Variants in PRKD1 observed in about 807,000 individuals in gnomAD.
PRKD1 encodes protein kinase D1.
PRKD1 carries 63 observed loss-of-function variants against 95.9 expected under a neutral mutation model. That is an observed-to-expected ratio of 0.66 (90% CI 0.54 to 0.81). The LOEUF (loss-of-function observed/expected upper bound fraction) is 0.81, where lower values mean the gene tolerates loss of function less well. Ranked by LOEUF, PRKD1 falls within the 30% of genes least tolerant of loss-of-function variation. The pLI is 0.00. For synonymous variants in PRKD1, 425 were observed against 423.1 expected, an observed-to-expected ratio of 1.00 and a Z score of -0.05; for missense variants, 1,048 against 1,165.3, an observed-to-expected ratio of 0.90 and a Z score of 1.47.
intron 1 of PRKD1, among the ~76,000 whole-genome samples, chr14:29,863,239 C>T (rs1892770095): frequency 6.6e-6 from 1 of 152,078 alleles, no homozygotes; most frequent in African/African-American, 2.4e-5. Context: ...CTTTAGTATC[C>T]TTTCAATATC....
chr14:29,861,770 C>T (rs1014268808), intron 1 of PRKD1, among the ~76,000 whole-genome samples: 3 of 151,860 alleles, frequency 2.0e-5, no homozygotes, highest in African/African-American at 7.3e-5. Flanking sequence ...CTCCTGTCTC[C>T]GCCTCCAAAG....
At chr14:29,886,001 C>G (rs1022601823) in intron 1 of PRKD1, among the ~76,000 whole-genome samples, 1 of 151,674 alleles carries the variant, frequency 6.6e-6, no homozygotes, top group Non-Finnish European at 1.5e-5. Flanking sequence ...ACACTTTTTT[C>G]TGTAACAATG....
At chr14:29,829,440 A>G (rs1320985534) in intron 1 of PRKD1, among the ~76,000 whole-genome samples, 1 of 152,188 alleles carries the variant, frequency 6.6e-6, no homozygotes, top group Non-Finnish European at 1.5e-5. Context: ...ACTGTCTCTT[A>G]TTTAGGGAAG....
Position 29,923,248 on chromosome 14 carries a change from A to T in PRKD1, c.264+4001T>A, listed in dbSNP as rs181535481. ...CTGTCAAAAAAAAAAAAAAAAAAACACACAGTAAAATGACAAATTCTATAC... is the reference window on the plus strand; with the variant it reads ...CTGTCAAAAAAAAAAAAAAAAAAACTCACAGTAAAATGACAAATTCTATAC... On this transcript the variant is annotated intron_variant, in intron 1 of 17. Coordinates refer to ENST00000331968, the MANE Select transcript of PRKD1 (RefSeq NM_002742.3). Among the ~76,000 whole-genome samples, 89 of 149,884 alleles carry T rather than the reference A, an allele frequency of 5.9e-4. 1 individual carries two copies. The East Asian group carries it at 0.011, about 19-fold the overall frequency.
At chr14:29,716,100 A>G (rs780424945) in intron 2 of PRKD1, among the ~76,000 whole-genome samples, 2 of 152,142 alleles carry the variant, frequency 1.3e-5, no homozygotes, top group Non-Finnish European at 2.9e-5. Flanking sequence ...CATAGAGACA[A>G]AAGTCCCCTT....
intron 1 of PRKD1, among the ~76,000 whole-genome samples, chr14:29,811,553 G>A (rs761879247): frequency 6.6e-6 from 1 of 152,212 alleles, no homozygotes; most frequent in Non-Finnish European, 1.5e-5. Context: ...CCTAGAAGGG[G>A]CGGCCACATC....
At chr14:29,676,183 GTTTTTTT>G (rs34953735) in intron 2 of PRKD1, among the ~76,000 whole-genome samples, 7 of 67,466 alleles carry the variant, frequency 1.0e-4, no homozygotes, top group Admixed American at 7.8e-4. Context: ...TTACGTTTTT[GTTTTTTT>G]TTTTTTTTTT....
chr14:29,774,440 T>C (rs895241485), intron 1 of PRKD1, among the ~76,000 whole-genome samples: 1 of 152,142 alleles, frequency 6.6e-6, no homozygotes, highest in Non-Finnish European at 1.5e-5. Context: ...AAATCGGTGC[T>C]ACCATTACTT....
chr14:29,711,352 C>G (rs899715297), intron 2 of PRKD1, among the ~76,000 whole-genome samples: 3 of 152,086 alleles, frequency 2.0e-5, no homozygotes, highest in Non-Finnish European at 4.4e-5. Flanking sequence ...TTAAACTACA[C>G]TGCATTATTT....
In PRKD1 at chr14:29,879,930, G is replaced by A. The variant is rs141952277; in HGVS notation, c.264+47319C>T. On this transcript the variant is annotated intron_variant, in intron 1 of 17. Coordinates refer to ENST00000331968, the MANE Select transcript of PRKD1 (RefSeq NM_002742.3). ...ATCTAGTGGAAGAAGTTTCTAAACAGCAAAGCATTCAAAATGTGACTTAAA... is the reference window on the plus strand; with the variant it reads ...ATCTAGTGGAAGAAGTTTCTAAACAACAAAGCATTCAAAATGTGACTTAAA... Among the ~76,000 whole-genome samples, 522 of 152,244 alleles carry A rather than the reference G, an allele frequency of 3.4e-3. 3 individuals carry two copies. The highest frequency in any genetic ancestry group is 0.012 in the African/African-American group (508 of 41,538).
At chr14:29,704,018 T>C (rs910597072) in intron 2 of PRKD1, among the ~76,000 whole-genome samples, 2 of 152,182 alleles carry the variant, frequency 1.3e-5, no homozygotes, top group African/African-American at 4.8e-5. Context: ...AGATCTTATA[T>C]TTGAATATCC....
chr14:29,893,892 G>C (rs922498763), intron 1 of PRKD1, among the ~76,000 whole-genome samples: 10 of 152,200 alleles, frequency 6.6e-5, no homozygotes, highest in Non-Finnish European at 1.2e-4. Flanking sequence ...GGCAGCTAGT[G>C]AGTGCTCTGT....
At chr14:29,800,661 G>A (rs1889989810) in intron 1 of PRKD1, among the ~76,000 whole-genome samples, 1 of 152,120 alleles carries the variant, frequency 6.6e-6, no homozygotes, top group Non-Finnish European at 1.5e-5. Context: ...ACATAGACAT[G>A]CTGATGTCAA....
At position 29,826,020 on chromosome 14, in the gene PRKD1, G is replaced by A. The variant is rs80213052; in HGVS notation, c.265-100346C>T. On this transcript the variant is annotated intron_variant, in intron 1 of 17. Transcript: ENST00000331968. Reference sequence around the variant, plus strand: ...GCAAAAAAGATACTGGTACATGCATGTTTATAGTAGCACAATTCACAACTG... The same window carrying A: ...GCAAAAAAGATACTGGTACATGCATATTTATAGTAGCACAATTCACAACTG... Among the ~76,000 whole-genome samples the A allele has an allele frequency of 7.5e-3, 1,141 of 151,730 alleles. 15 individuals carry two copies. Among genetic ancestry groups the A allele is most frequent in the African/African-American group, 0.026 (1,071 of 41,388 alleles).
intron 6 of PRKD1, among the ~76,000 whole-genome samples, chr14:29,638,035 G>C (rs1566504545): frequency 6.6e-6 from 1 of 152,110 alleles, no homozygotes; most frequent in Non-Finnish European, 1.5e-5. Flanking sequence ...TATACAGTTA[G>C]AGTTTTCTTG....
At chr14:29,767,865 GT>G (rs1888325188) in intron 1 of PRKD1, among the ~76,000 whole-genome samples, 1 of 152,086 alleles carries the variant, frequency 6.6e-6, no homozygotes. Flanking sequence ...TTTAAAAGTT[GT>G]TTGGCTTTAA....
At chr14:29,577,916 G>C (rs1892614813) in intron 17 of PRKD1, among the ~76,000 whole-genome samples, 1 of 152,034 alleles carries the variant, frequency 6.6e-6, no homozygotes, top group African/African-American at 2.4e-5. Context: ...GACCAGATGG[G>C]CATCTATTTG....
chr14:29,867,296 G>A (rs1892944154), intron 1 of PRKD1, among the ~76,000 whole-genome samples: 2 of 152,178 alleles, frequency 1.3e-5, no homozygotes, highest in African/African-American at 4.8e-5. Context: ...CATTTACATA[G>A]TGGTTGGGGA....
At chr14:29,852,494 T>A (rs1470150539) in intron 1 of PRKD1, among the ~76,000 whole-genome samples, 1 of 151,174 alleles carries the variant, frequency 6.6e-6, no homozygotes, top group Non-Finnish European at 1.5e-5. Flanking sequence ...TGGAACACCA[T>A]CAAGTGAACT....
Sources: allele counts gnomAD v4.1 joint callset (sites outside exome capture counted in the v4.1 genomes callset), GRCh38; gene constraint gnomAD v4.1.1; transcripts MANE v1.5; gene names NCBI Gene and HGNC (gene_info 2026-07-23, HGNC 2026-07-21).